Variants in COL7A1 observed in about 807,000 individuals in gnomAD.
COL7A1 encodes the protein collagen type VII alpha 1 chain, also known as collagen alpha-1(VII) chain.
COL7A1 carries 296 observed loss-of-function variants against 456.2 expected under a neutral mutation model. The observed-to-expected ratio is 0.65, with a 90% CI of 0.59 to 0.71. The LOEUF is 0.71. Ranked by LOEUF, COL7A1 falls within the 30% of genes least tolerant of loss-of-function variation. The pLI is 0.00. For synonymous variants in COL7A1, 1,464 were observed against 1,525.9 expected (o/e 0.96, Z 0.95); for missense variants, 3,441 against 4,017.2 (o/e 0.86, Z 3.88).
Position 48,573,275 on chromosome 3 carries a change from C to T in COL7A1, c.6652-39G>A. On this transcript the variant is annotated intron_variant, in intron 84 of 118. Coordinates refer to ENST00000681320, the MANE Select transcript of COL7A1 (RefSeq NM_000094.4). The surrounding 1 kb of genome is among the most constrained non-coding windows in gnomAD (Gnocchi z 5.5). ...AAGTTCAGGGCAGTGCCAACCCCAC[C>T]CATCTCCCTATGACCCTAACCTGTG... is the stretch of plus-strand genomic sequence containing the variant. The T allele has an allele frequency of 1.9e-6, 3 of 1,614,046 alleles. No individual in the cohort carries two copies. The highest frequency in any genetic ancestry group is 2.5e-6 in the Non-Finnish European group (3 of 1,180,026).
In COL7A1 at chr3:48,581,448, T is replaced by C; in HGVS notation, c.4818A>G (p.Pro1606=). 1 of 1,613,932 alleles carries C rather than the reference T, an allele frequency of 6.2e-7. No homozygotes were observed. The highest frequency in any genetic ancestry group is 8.5e-7 in the Non-Finnish European group (1 of 1,179,980). ...PIGLTGRAGP[P]GDSGPPGEKG... Reference sequence around the variant, plus strand: ...GTTGCCCAGGGTAACGGGTACTCACTGGGGGTCCTGCTCTGCCAGTAAGGC... The same window carrying C: ...GTTGCCCAGGGTAACGGGTACTCACCGGGGGTCCTGCTCTGCCAGTAAGGC... The change falls in exon 51 of 119, where the codon CCA becomes CCG. Residue 1606 remains proline, a splice_region_variant and synonymous_variant. Transcript: ENST00000681320. This position sits in a 1 kb window ranked among gnomAD's most constrained non-coding sequence, Gnocchi z 5.8.
Position 48,590,446 on chromosome 3 carries a change from A to G in COL7A1, c.1906+13T>C. 1 of 1,613,692 alleles carries G rather than the reference A, an allele frequency of 6.2e-7. No individual in the cohort carries two copies. The highest frequency in any genetic ancestry group is 8.5e-7 in the Non-Finnish European group (1 of 1,179,924). On this transcript the variant is annotated intron_variant, in intron 15 of 118. Transcript: ENST00000681320. This position sits in a 1 kb window ranked among gnomAD's most constrained non-coding sequence, Gnocchi z 4.6. ...GGTCCCTTTGGCAGTCCCCCCACAC[A>G]CCCCACACTGACCACTGCCTGTGCT...
chr3:48,586,367 TCA>T lies in COL7A1; in HGVS notation c.3513_3514del (p.Asp1172HisfsTer7). On this transcript the variant is annotated frameshift_variant, in exon 27 of 119. Transcript: ENST00000681320. LOFTEE classifies it high-confidence loss of function. This position sits in a 1 kb window ranked among gnomAD's most constrained non-coding sequence, Gnocchi z 5.1. ...GGCCTCACGGATGGGGCTGAATATG[TCA>T]CCTCTCAAGGGTTCATCCACTAGCA... 6.2e-7 allele frequency: 1 copy of T among 1,613,852 alleles called. No homozygotes were observed. The highest frequency in any genetic ancestry group is 8.5e-7 in the Non-Finnish European group (1 of 1,179,948).
In COL7A1 at chr3:48,586,140, C is replaced by G; in HGVS notation, c.3657G>C (p.Gly1219=). 1 of 1,613,428 alleles carries G rather than the reference C, an allele frequency of 6.2e-7. No individual in the cohort carries two copies. The highest frequency in any genetic ancestry group is 1.3e-5 in the African/African-American group (1 of 75,060). Residue 1219 remains glycine, a synonymous_variant, in exon 28 of 119, where the codon GGG becomes GGC. Coordinates refer to ENST00000681320, the MANE Select transcript of COL7A1 (RefSeq NM_000094.4). The surrounding 1 kb of genome is among the most constrained non-coding windows in gnomAD (Gnocchi z 5.1). ...CACTGACTGCCTGGTCCAGGCTTGGCCCATCATCCACGGCGAAGAAGGTCT... is the reference window on the plus strand; with the variant it reads ...CACTGACTGCCTGGTCCAGGCTTGGGCCATCATCCACGGCGAAGAAGGTCT... ...SVQTFFAVDD[G]PSLDQAVSGL...
chr3:48,566,974 G>A lies in COL7A1; in HGVS notation c.8159C>T (p.Ser2720Phe), dbSNP rs1416469263. 6.2e-7 allele frequency: 1 copy of A among 1,611,790 alleles called. No homozygotes were observed. Among genetic ancestry groups the A allele is most frequent in the Non-Finnish European group, 8.5e-7 (1 of 1,178,320 alleles). ...GCCAGGTGGCCCTGGGGGACCAGCAGAGCCATCATTTCCACTGGGGCCTGG... is the reference window on the plus strand; with the variant it reads ...GCCAGGTGGCCCTGGGGGACCAGCAAAGCCATCATTTCCACTGGGGCCTGG... ...GFPGPSGNDGSAGPPGPPGSV... is the reference protein window; with the variant it reads ...GFPGPSGNDGFAGPPGPPGSV... Residue 2720 changes from serine to phenylalanine, a missense_variant, in exon 111 of 119, where the codon TCT (serine) becomes TTT (phenylalanine). By Grantham distance (155) the Ser-to-Phe change is radical (BLOSUM62 -2). Around this residue, in one of 3 missense-constraint regions of COL7A1, gnomAD observed 2,084 missense variants for 2,501.3 expected, o/e 0.83. Transcript: ENST00000681320. The surrounding 1 kb of genome is among the most constrained non-coding windows in gnomAD (Gnocchi z 5.9).
chr3:48,590,813 A>G lies in COL7A1; in HGVS notation c.1640T>C (p.Val547Ala). 6.2e-7 allele frequency: 1 copy of G among 1,612,296 alleles called. No homozygotes were observed. The highest frequency in any genetic ancestry group is 8.5e-7 in the Non-Finnish European group (1 of 1,179,498). ...CCCAGGAAGCACCAGGGTCCGCTCA[A>G]CCCCTAAGAGAGAAGTCAGGGTAGG... Reference protein sequence around the residue: ...YRIIVRSTQGVERTLVLPGSQ... With the variant: ...YRIIVRSTQGAERTLVLPGSQ... The change falls in exon 14 of 119, where the codon GTT becomes GCT. Residue 547 changes from valine (V) to alanine (A), a missense_variant. Around this residue, in one of 3 missense-constraint regions of COL7A1, gnomAD observed 913 missense variants for 1,088.2 expected, o/e 0.84. Transcript: ENST00000681320. This position sits in a 1 kb window ranked among gnomAD's most constrained non-coding sequence, Gnocchi z 4.6.
rs2043683186 is a variant in COL7A1 at position 48,567,978 on chromosome 3, C to A, written c.7876-87G>T. ...CCCTGAAACTAACTCTCCAAACAGG[C>A]CTCAGCTACTCCAACCTCTGACCCA... On this transcript the variant is annotated intron_variant, in intron 106 of 118. Transcript: ENST00000681320. This position sits in a 1 kb window ranked among gnomAD's most constrained non-coding sequence, Gnocchi z 4.3. The A allele has an allele frequency of 6.2e-7, 1 of 1,601,368 alleles. No individual in the cohort carries two copies. The highest frequency in any genetic ancestry group is 2.2e-5 in the East Asian group (1 of 44,824).
In COL7A1 at chr3:48,590,628, A is replaced by C. The variant is rs369097340; in HGVS notation, c.1781-44T>G. 1.2e-6 allele frequency: 2 copies of C among 1,613,908 alleles called. No individual in the cohort carries two copies. The highest frequency in any genetic ancestry group is 2.7e-5 in the African/African-American group (2 of 74,914). On this transcript the variant is annotated intron_variant, in intron 14 of 118. Transcript: ENST00000681320. The surrounding 1 kb of genome is among the most constrained non-coding windows in gnomAD (Gnocchi z 4.6). ...AGTCAGAAGTCAGAACCAGGACCAG[A>C]GTGAGGCAGGCAGCTGTCCTCCACA...
Position 48,587,224 on chromosome 3 carries a change from C to T in COL7A1, c.3105G>A (p.Val1035=). The change falls in exon 24 of 119, where the codon GTG becomes GTA. Residue 1035 remains valine (V), a synonymous_variant. Transcript: ENST00000681320. This position sits in a 1 kb window ranked among gnomAD's most constrained non-coding sequence, Gnocchi z 6.1. ...IFSLTPVLDG[V]RGPEASVTQT... is the part of the protein sequence containing the mutation. ...GTGTGACAGATGCCTCAGGACCCCG[C>T]ACACCATCCAGGACAGGCGTCAGGG... The T allele has an allele frequency of 6.2e-7, 1 of 1,613,616 alleles. No homozygotes were observed. The highest frequency in any genetic ancestry group is 8.5e-7 in the Non-Finnish European group (1 of 1,179,874).
At chr3:48,582,766 A>C (rs1251935178) in intron 44 of COL7A1, 113 bp from the exon 45 acceptor site, 4 of 1,262,358 alleles carry the variant, frequency 3.2e-6, no homozygotes, top group Non-Finnish European at 4.5e-6. Context: ...ATTGGGATTT[A>C]GGTTGGCAGG....
Position 48,588,396 on chromosome 3 carries a change from C to A in COL7A1, c.2596G>T (p.Ala866Ser), listed in dbSNP as rs779814851. 7 of 1,610,122 alleles carry A rather than the reference C, an allele frequency of 4.3e-6. No homozygotes were observed. The highest frequency in any genetic ancestry group is 4.0e-5 in the African/African-American group (3 of 74,906). ...VSIVVTTPPE[A>S]PPALGTLHVV... ...TGAAGCGTCCCCAGGGCTGGCGGAG[C>A]CTCAGGCGCTGGAGAGAAAGCTCAG... Residue 866 changes from alanine to serine, a missense_variant, in exon 21 of 119, where the codon GCT (alanine) becomes TCT (serine). This residue lies in a region of COL7A1 where 444 missense variants were observed against 427.6 expected (regional missense o/e 1.04). Transcript: ENST00000681320. The surrounding 1 kb of genome is among the most constrained non-coding windows in gnomAD (Gnocchi z 4.6).
Position 48,570,785 on chromosome 3 carries a change from G to A in COL7A1, c.7273-75C>T, listed in dbSNP as rs1225875898. 6.4e-7 allele frequency: 1 copy of A among 1,558,702 alleles called. No homozygotes were observed. Among genetic ancestry groups the A allele is most frequent in the Non-Finnish European group, 8.7e-7 (1 of 1,151,332 alleles). On this transcript the variant is annotated intron_variant, in intron 95 of 118. Coordinates refer to ENST00000681320, the MANE Select transcript of COL7A1 (RefSeq NM_000094.4). The surrounding 1 kb of genome is among the most constrained non-coding windows in gnomAD (Gnocchi z 5.5). ...CTACCCTCTGCCCCCTCAAGACTGG[G>A]AACCCCCAAGGCAGGGCCCCCTCCT...
Position 48,588,191 on chromosome 3 carries a change from C to T in COL7A1, c.2710+91G>A, listed in dbSNP as rs915424409. On this transcript the variant is annotated intron_variant, in intron 21 of 118. Transcript: ENST00000681320. This position sits in a 1 kb window ranked among gnomAD's most constrained non-coding sequence, Gnocchi z 4.6. ...CCCGCAGACCCCCAGTGACAGACCC[C>T]GCCCACCATCACTGTCCTCGCCTAC... 28 of 1,594,430 alleles carry T rather than the reference C, an allele frequency of 1.8e-5. No individual in the cohort carries two copies. The highest frequency in any genetic ancestry group is 3.4e-6 in the Non-Finnish European group (4 of 1,168,704).
At position 48,591,447 on chromosome 3, in the gene COL7A1, G is replaced by A; in HGVS notation, c.1636+17C>T. The A allele has an allele frequency of 6.2e-7, 1 of 1,612,298 alleles. No homozygotes were observed. Among genetic ancestry groups the A allele is most frequent in the Non-Finnish European group, 8.5e-7 (1 of 1,179,180 alleles). On this transcript the variant is annotated intron_variant, in intron 13 of 118. Coordinates refer to ENST00000681320, the MANE Select transcript of COL7A1 (RefSeq NM_000094.4). The surrounding 1 kb of genome is among the most constrained non-coding windows in gnomAD (Gnocchi z 7.0). ...CTTCAGTGTGTGTGGTGGGGGTGCT[G>A]GCTGCGTCCACCTCACCCTGGGTGC...
In COL7A1 at chr3:48,587,586, G is replaced by A. The variant is rs746930054; in HGVS notation, c.2858-32C>T. The A allele has an allele frequency of 3.1e-6, 5 of 1,613,332 alleles. No individual in the cohort carries two copies. The highest frequency in any genetic ancestry group is 1.7e-6 in the Non-Finnish European group (2 of 1,180,004). On this transcript the variant is annotated intron_variant, in intron 22 of 118. Coordinates refer to ENST00000681320, the MANE Select transcript of COL7A1 (RefSeq NM_000094.4). The surrounding 1 kb of genome is among the most constrained non-coding windows in gnomAD (Gnocchi z 6.1). The stretch of plus-strand genomic sequence containing the variant: ...GAGGAATGAAAGATCGAGGATCAGA[G>A]GCTGAGTCCTGAGAACCCAGAAGGG...
At position 48,582,370 on chromosome 3, in the gene COL7A1, G is replaced by A. The variant is rs1216124870; in HGVS notation, c.4600-12C>T. 4 of 1,614,076 alleles carry A rather than the reference G, an allele frequency of 2.5e-6. No individual in the cohort carries two copies. The highest frequency in any genetic ancestry group is 1.6e-4 in the Middle Eastern group (1 of 6,062). On this transcript the variant is annotated splice_polypyrimidine_tract_variant and intron_variant, in intron 46 of 118. Transcript: ENST00000681320. ...CGACCAGGCTCCCCCTGTGGAGAGA[G>A]GATAGGAGCAGGGACAGGTCAGGGA...
rs763681008 is a variant in COL7A1 at position 48,583,457 on chromosome 3, G to A, written c.4402-29C>T. The A allele has an allele frequency of 1.1e-4, 179 of 1,614,052 alleles. 1 individual carries two copies. Among genetic ancestry groups the A allele is most frequent in the Non-Finnish European group, 1.5e-4 (174 of 1,180,038 alleles). ...GAAGGGATGAATTTGGGGGTTCAGA[G>A]ATTTGGGTTTGGGCATGAGGATGGA... On this transcript the variant is annotated intron_variant, in intron 41 of 118. Transcript: ENST00000681320. The surrounding 1 kb of genome is among the most constrained non-coding windows in gnomAD (Gnocchi z 5.1).
intron 36 of COL7A1, 22 bp from the exon 37 acceptor site, chr3:48,584,397 A>G: frequency 6.2e-7 from 1 of 1,613,606 alleles, no homozygotes; most frequent in Non-Finnish European, 8.5e-7. Flanking sequence ...GACAAAGTAT[A>G]AGGTGCAACC....
chr3:48,576,587 C>T (rs763157620), intron 68 of COL7A1, 30 bp from the exon 69 acceptor site: 2 of 1,601,738 alleles, frequency 1.2e-6, no homozygotes, highest in Admixed American at 3.4e-5. Context: ...AAAGGGGTCA[C>T]AAAGGCCCAT....
Sources: gnomAD v4.1 joint callset for allele counts on GRCh38, gnomAD v4.1.1 for gene constraint, gnomAD v4.1.1 regional missense constraint, Gnocchi (gnomAD v3.1) non-coding constraint, MANE v1.5 for transcripts, NCBI Gene and HGNC (gene_info 2026-07-23, HGNC 2026-07-21) for gene names.